Variants in NGFR observed in about 807,000 individuals in gnomAD.
NGFR encodes tumor necrosis factor receptor superfamily member 16.
NGFR carries 30 observed loss-of-function variants against 43.2 expected under a neutral mutation model. That is an observed-to-expected ratio of 0.69 (90% CI 0.52 to 0.94). The LOEUF is 0.94. NGFR is among the 40% of genes least tolerant of loss of function. NGFR has a pLI of 0.00. For missense variants in NGFR, 529 were observed against 602.5 expected, an observed-to-expected ratio of 0.88 and a Z score of 1.28; for synonymous variants, 246 against 259.6, an observed-to-expected ratio of 0.95 and a Z score of 0.50.
rs897102931 is a variant in NGFR, at chr17:49,512,295, C to G, written c.982+243C>G. 2.6e-5 allele frequency among the ~76,000 whole-genome samples: 4 copies of G among 152,170 alleles called. No individual in the cohort carries two copies. Among genetic ancestry groups the G allele is most frequent in the African/African-American group, 9.7e-5 (4 of 41,426 alleles). On this transcript the variant is annotated intron_variant, in intron 5 of 5. Coordinates refer to ENST00000172229, the MANE Select transcript of NGFR (RefSeq NM_002507.4). This position sits in a 1 kb window ranked among gnomAD's most constrained non-coding sequence, Gnocchi z 5.2. The stretch of plus-strand genomic sequence containing the variant: ...CAGACTCATCAAGCTAATTGTCCCC[C>G]CTGGGGGCTAATTATTGCCCAAAGT...
chr17:49,513,112 G>A lies in NGFR; in HGVS notation c.*103G>A. 2 of 1,247,256 alleles carry A rather than the reference G, an allele frequency of 1.6e-6. No homozygotes were observed. The highest frequency in any genetic ancestry group is 2.2e-6 in the Non-Finnish European group (2 of 927,666). 77.3% of individuals were successfully genotyped at this position (1,247,256 alleles called of 1,614,324 possible). ...CCACCCTTTGGGGGGGGCCCGCCTG[G>A]CAGAACTGAGCTCCTCTGGGCAGGA... On this transcript the variant is annotated 3_prime_UTR_variant, in exon 6 of 6. Transcript: ENST00000172229.
chr17:49,511,467 A>G (rs1859131320), intron 4 of NGFR, among the ~76,000 whole-genome samples: 1 of 151,612 alleles, frequency 6.6e-6, no homozygotes, highest in Admixed American at 6.6e-5. Context: ...CACTCATTCA[A>G]TAGTATGGAT....
intron 1 of NGFR, 63 bp from the exon 2 acceptor site, chr17:49,502,000 A>ACGTGCAGTTGGGCGGGGC: frequency 3.8e-6 from 1 of 264,886 alleles, no homozygotes; most frequent in Non-Finnish European, 7.9e-6. Context: ...CCCCGGAAGA[A>ACGTGCAGTTGGGCGGGGC]CCCCCCCCAA....
Position 49,495,417 on chromosome 17 carries a change from G to A in NGFR, c.-1G>A. The A allele has an allele frequency of 8.1e-7, 1 of 1,234,984 alleles. No individual in the cohort carries two copies. Among genetic ancestry groups the A allele is most frequent in the South Asian group, 4.1e-5 (1 of 24,448 alleles). The allele number at this position is 1,234,984 out of a possible 1,614,324, so 76.5% of individuals were successfully genotyped here. ...TCGAGCGCTGCCGCGGGAGGCGGGC[G>A]ATGGGGGCAGGTGCCACCGGCCGCG... On this transcript the variant is annotated 5_prime_UTR_variant, in exon 1 of 6. Transcript: ENST00000172229. The surrounding 1 kb of genome is among the most constrained non-coding windows in gnomAD (Gnocchi z 6.4).
At chr17:49,510,044 C>T (rs934383254) in intron 3 of NGFR, among the ~76,000 whole-genome samples, 6 of 152,156 alleles carry the variant, frequency 3.9e-5, no homozygotes, top group Non-Finnish European at 7.4e-5. Context: ...AGATAGGCCT[C>T]TCTAGGTACT....
chr17:49,495,522 G>C lies in NGFR; in HGVS notation c.66+39G>C. ...GGAGGGGGCCCGCTCCCTTTCCCGG[G>C]ATCAGAACTCCGAGAAGAGCCGGGC... On this transcript the variant is annotated intron_variant, in intron 1 of 5. Coordinates refer to ENST00000172229, the MANE Select transcript of NGFR (RefSeq NM_002507.4). The surrounding 1 kb of genome is among the most constrained non-coding windows in gnomAD (Gnocchi z 6.4). 1 of 1,224,960 alleles carries C rather than the reference G, an allele frequency of 8.2e-7. No homozygotes were observed. The highest frequency in any genetic ancestry group is 4.1e-5 in the South Asian group (1 of 24,254). 75.9% of individuals were successfully genotyped at this position (1,224,960 alleles called of 1,614,324 possible). A position where few individuals can be genotyped will look rare whatever the true frequency, so the allele number is the denominator to read the frequency against.
chr17:49,512,795 ACACCTGGCGG>A lies in NGFR; in HGVS notation c.1081_1090del (p.His361AlafsTer10). 1.2e-6 allele frequency: 2 copies of A among 1,613,236 alleles called. No individual in the cohort carries two copies. The highest frequency in any genetic ancestry group is 2.2e-5 in the East Asian group (1 of 44,866). On this transcript the variant is annotated frameshift_variant, in exon 6 of 6. Transcript: ENST00000172229. LOFTEE classifies it high-confidence loss of function. This position sits in a 1 kb window ranked among gnomAD's most constrained non-coding sequence, Gnocchi z 5.2. The stretch of plus-strand genomic sequence containing the variant: ...AAGCTTCTCAACGGCTCTGCGGGGG[ACACCTGGCGG>A]CACCTGGCGGGCGAGCTGGGCTACC...
At chr17:49,508,146 C>T (rs1047445158) in intron 3 of NGFR, among the ~76,000 whole-genome samples, 1 of 152,224 alleles carries the variant, frequency 6.6e-6, no homozygotes, top group Non-Finnish European at 1.5e-5. Flanking sequence ...GGCCAGGAGA[C>T]AGGCAAGTGG....
intron 1 of NGFR, among the ~76,000 whole-genome samples, chr17:49,501,435 T>C (rs1762665176): frequency 2.0e-5 from 3 of 152,248 alleles, no homozygotes; most frequent in African/African-American, 7.2e-5. Flanking sequence ...AGAGGGAAGA[T>C]GGGCAAGCAA....
At chr17:49,502,014 A>AC in intron 1 of NGFR, 49 bp from the exon 2 acceptor site, 2 of 290,770 alleles carry the variant, frequency 6.9e-6, no homozygotes, top group Non-Finnish European at 1.1e-5. Context: ...CCCCCAACCC[A>AC]CCCCAGCTTT....
intron 1 of NGFR, 64 bp from the exon 2 acceptor site, chr17:49,501,999 A>AGGGCGCCCCCCCCCCC: frequency 6.0e-6 from 2 of 330,984 alleles, no homozygotes; most frequent in Non-Finnish European, 1.2e-5. Context: ...TCCCCGGAAG[A>AGGGCGCCCCCCCCCCC]ACCCCCCCCA....
intron 3 of NGFR, among the ~76,000 whole-genome samples, chr17:49,509,321 C>T (rs954059753): frequency 2.0e-5 from 3 of 152,172 alleles, no homozygotes; most frequent in South Asian, 2.1e-4. Flanking sequence ...GAGCCAGTTA[C>T]CCTCCCCTTC....
At chr17:49,501,373 C>T (rs2072444) in intron 1 of NGFR, among the ~76,000 whole-genome samples, 59,474 of 152,106 alleles carry the variant, frequency 0.39, 13,823 homozygotes, top group African/African-American at 0.65. Context: ...AAATGGCTGG[C>T]CTTTTGCCCT....
At chr17:49,502,819 C>CCTTCCTTG (rs2071174910) in intron 2 of NGFR, among the ~76,000 whole-genome samples, 1 of 87,516 alleles carries the variant, frequency 1.1e-5, no homozygotes, top group East Asian at 2.4e-4. Flanking sequence ...GGGATTTCTT[C>CCTTCCTTG]CTTCCTTCCT....
chr17:49,512,862 G>T lies in NGFR; in HGVS notation c.1137G>T (p.Glu379Asp), dbSNP rs1184183189. ...QPEHIDSFTH[E>D]ACPVRALLAS... ...AGCACATAGACTCCTTTACCCATGA[G>T]GCCTGCCCCGTTCGCGCCCTGCTTG... The change falls in exon 6 of 6, where the codon GAG becomes GAT. Residue 379 changes from glutamate to aspartate, a missense_variant. Physicochemically the swap from Glu to Asp is conservative, Grantham distance 45 (BLOSUM62 2). Coordinates refer to ENST00000172229, the MANE Select transcript of NGFR (RefSeq NM_002507.4). This position sits in a 1 kb window ranked among gnomAD's most constrained non-coding sequence, Gnocchi z 5.2. 1.2e-6 allele frequency: 2 copies of T among 1,613,266 alleles called. No homozygotes were observed. Among genetic ancestry groups the T allele is most frequent in the African/African-American group, 1.3e-5 (1 of 74,916 alleles).
At chr17:49,496,610 C>G (rs2071139605) in intron 1 of NGFR, 1 of 152,182 alleles carries the variant, frequency 6.6e-6, no homozygotes, top group Non-Finnish European at 1.5e-5. Flanking sequence ...TGCAGTCCGC[C>G]GCTGCCTGCC....
chr17:49,502,509 T>A (rs945343243), intron 2 of NGFR, among the ~76,000 whole-genome samples: 2 of 150,924 alleles, frequency 1.3e-5, no homozygotes, highest in East Asian at 3.9e-4. Flanking sequence ...CAGGGAGGAG[T>A]AGCTGATGCT....
At chr17:49,502,503 G>A (rs1445172609) in intron 2 of NGFR, among the ~76,000 whole-genome samples, 1 of 152,166 alleles carries the variant, frequency 6.6e-6, no homozygotes, top group East Asian at 1.9e-4. Flanking sequence ...GCTGGGCAGG[G>A]AGGAGTAGCT....
chr17:49,501,999 A>ATG, intron 1 of NGFR, 64 bp from the exon 2 acceptor site: 30 of 330,974 alleles, frequency 9.1e-5, no homozygotes, highest in Non-Finnish European at 1.6e-4. Flanking sequence ...TCCCCGGAAG[A>ATG]ACCCCCCCCA....
Sources: allele counts gnomAD v4.1 joint callset (sites outside exome capture counted in the v4.1 genomes callset), GRCh38; gene constraint gnomAD v4.1.1; non-coding constraint Gnocchi (gnomAD v3.1); transcripts MANE v1.5; gene names NCBI Gene and HGNC (gene_info 2026-07-23, HGNC 2026-07-21).